CSMD1: variants seen among roughly 807,000 people sequenced by gnomAD.
The protein encoded by CSMD1 is CUB and Sushi multiple domains 1, also known as CUB and sushi domain-containing protein 1.
In CSMD1, 213 loss-of-function variants were observed where a neutral mutation model predicts 417.5. The observed-to-expected ratio is 0.51, with a 90% CI of 0.46 to 0.57. The LOEUF is 0.57. CSMD1 is among the 20% of genes least tolerant of loss of function. The probability of loss-of-function intolerance (pLI) is 0.00; values close to 1 mark genes in which losing one functional copy is unlikely to be tolerated. For synonymous variants in CSMD1, 2,862 were observed against 1,736.8 expected, an observed-to-expected ratio of 1.65 and a Z score of -16.11; for missense variants, 6,923 against 4,529.7, an observed-to-expected ratio of 1.53 and a Z score of -15.17.
At chr8:4,166,320 C>G (rs1213487392) in intron 3 of CSMD1, among the ~76,000 whole-genome samples, 2 of 152,036 alleles carry the variant, frequency 1.3e-5, no homozygotes, top group East Asian at 3.8e-4. Flanking sequence ...TTTTTTGTAA[C>G]AGGTCTATAA....
At chr8:4,748,567 G>C (rs1168440173) in intron 1 of CSMD1, among the ~76,000 whole-genome samples, 1 of 152,070 alleles carries the variant, frequency 6.6e-6, no homozygotes, top group African/African-American at 2.4e-5. Context: ...CAGGATTATT[G>C]GGTTCAGCAT....
intron 13 of CSMD1, among the ~76,000 whole-genome samples, chr8:3,409,045 G>C (rs1434661897): frequency 2.6e-5 from 4 of 152,120 alleles, no homozygotes; most frequent in Middle Eastern, 3.2e-3. Context: ...GCTCGCACTG[G>C]TGAACAACTT....
At chr8:4,726,714 C>T (rs1005721776) in intron 1 of CSMD1, among the ~76,000 whole-genome samples, 2 of 152,160 alleles carry the variant, frequency 1.3e-5, no homozygotes, top group Non-Finnish European at 1.5e-5. Context: ...ATTCATTCTC[C>T]TTCTGGAACT....
intron 23 of CSMD1, among the ~76,000 whole-genome samples, chr8:3,326,875 T>A (rs2584220): frequency 1.3e-5 from 2 of 152,018 alleles, no homozygotes; most frequent in South Asian, 4.1e-4. Context: ...TAAAAATGTA[T>A]GGCTATGTCT....
At chr8:4,253,907 CTTTTTTTTTTTTTT>C (rs147795407) in intron 3 of CSMD1, among the ~76,000 whole-genome samples, 3 of 80,982 alleles carry the variant, frequency 3.7e-5, no homozygotes, top group South Asian at 9.2e-4. Flanking sequence ...TTCCTTCCAT[CTTTTTTTTTTTTTT>C]TTTTTTTTTT....
chr8:3,670,501 C>CAA (rs1798935670), intron 7 of CSMD1, among the ~76,000 whole-genome samples: 2 of 125,140 alleles, frequency 1.6e-5, no homozygotes, highest in Non-Finnish European at 3.6e-5. Flanking sequence ...ATATATATCC[C>CAA]ATATATATAT....
At chr8:3,647,626 G>C (rs1797643976) in intron 7 of CSMD1, among the ~76,000 whole-genome samples, 1 of 152,176 alleles carries the variant, frequency 6.6e-6, no homozygotes, top group African/African-American at 2.4e-5. Flanking sequence ...AATGTGGTAT[G>C]CTGCCATGTG....
chr8:4,026,836 T>A (rs771504398), intron 4 of CSMD1, among the ~76,000 whole-genome samples: 4 of 152,192 alleles, frequency 2.6e-5, no homozygotes, highest in Admixed American at 1.3e-4. Context: ...ACAGGGAGAC[T>A]CTGTGGCAGT....
In CSMD1 at chr8:3,610,250, G is replaced by A. The variant is rs568468842; in HGVS notation, c.1097+6460C>T. ...AAATAGTAGATATAAACAATAAATC[G>A]ATATGTGGGCTGGGCACGGTATCAG... On this transcript the variant is annotated intron_variant, in intron 8 of 69. Coordinates refer to ENST00000635120, the MANE Select transcript of CSMD1 (RefSeq NM_033225.6). Among the ~76,000 whole-genome samples, 48 of 152,226 alleles carry A rather than the reference G, an allele frequency of 3.2e-4. 1 individual carries two copies. The highest frequency in any genetic ancestry group is 2.1e-3 in the South Asian group (10 of 4,828).
chr8:3,170,310 C>G (rs1028702933), intron 37 of CSMD1, among the ~76,000 whole-genome samples: 21 of 152,156 alleles, frequency 1.4e-4, no homozygotes, highest in African/African-American at 5.1e-4. Flanking sequence ...CGGGTTCACA[C>G]CATTCTCCCG....
intron 7 of CSMD1, among the ~76,000 whole-genome samples, chr8:3,669,259 A>C (rs1283531033): frequency 6.6e-6 from 1 of 152,184 alleles, no homozygotes; most frequent in Admixed American, 6.5e-5. Context: ...CTGAGTGAAA[A>C]TGTCTCATCT....
intron 2 of CSMD1, among the ~76,000 whole-genome samples, chr8:4,457,467 T>G (rs1321201275): frequency 1.3e-5 from 2 of 152,104 alleles, no homozygotes; most frequent in African/African-American, 4.8e-5. Flanking sequence ...TCTTGCTTAT[T>G]GGAAAAGATT....
chr8:3,031,135 C>G (rs966330913), intron 50 of CSMD1, among the ~76,000 whole-genome samples: 1 of 151,868 alleles, frequency 6.6e-6, no homozygotes, highest in African/African-American at 2.4e-5. Context: ...TCTGAAAAGC[C>G]CTTAAAGGCT....
At chr8:4,367,249 A>G (rs187891835) in intron 3 of CSMD1, among the ~76,000 whole-genome samples, 22 of 152,290 alleles carry the variant, frequency 1.4e-4, no homozygotes, top group African/African-American at 3.6e-4. Flanking sequence ...GTCCAGTCTC[A>G]TAAGTCCAGC....
intron 49 of CSMD1, among the ~76,000 whole-genome samples, chr8:3,065,111 G>T (rs1812835820): frequency 6.6e-6 from 1 of 151,884 alleles, no homozygotes; most frequent in Admixed American, 6.6e-5. Flanking sequence ...ATCTAAAGAA[G>T]AAATAAACCT....
Position 4,357,403 on chromosome 8 carries a change from T to C in CSMD1, c.415+62550A>G, listed in dbSNP as rs539734263. ...CATCAAATAATTTAAATATCAAATATTTACTCCAAGGCCAGAAATATTAAG... is the reference window on the plus strand; with the variant it reads ...CATCAAATAATTTAAATATCAAATACTTACTCCAAGGCCAGAAATATTAAG... On this transcript the variant is annotated intron_variant, in intron 3 of 69. Transcript: ENST00000635120. Among the ~76,000 whole-genome samples, 10 of 152,262 alleles carry C rather than the reference T, an allele frequency of 6.6e-5. No individual in the cohort carries two copies. The South Asian group carries it at 1.9e-3, about 28-fold the overall frequency.
At chr8:3,225,127 G>A (rs1462912685) in intron 27 of CSMD1, among the ~76,000 whole-genome samples, 2 of 152,112 alleles carry the variant, frequency 1.3e-5, no homozygotes, top group African/African-American at 4.8e-5. Context: ...GATGAAGGAA[G>A]ATGAAGGAAC....
intron 1 of CSMD1, among the ~76,000 whole-genome samples, chr8:4,857,072 G>A (rs1801845181): frequency 6.7e-6 from 1 of 148,758 alleles, no homozygotes; most frequent in Non-Finnish European, 1.5e-5. Flanking sequence ...CTATCTCTCA[G>A]ACCACAGTGC....
chr8:4,755,582 GT>G (rs1811615581), intron 1 of CSMD1, among the ~76,000 whole-genome samples: 1 of 152,050 alleles, frequency 6.6e-6, no homozygotes. Flanking sequence ...ATGTTCTACT[GT>G]CACGTTGATT....
Sources: gnomAD v4.1 joint callset for allele counts (sites outside exome capture counted in the v4.1 genomes callset) on GRCh38, gnomAD v4.1.1 for gene constraint, MANE v1.5 for transcripts, NCBI Gene and HGNC (gene_info 2026-07-23, HGNC 2026-07-21) for gene names.